Variants in PCDH15 observed in about 807,000 individuals in gnomAD.
PCDH15 encodes the protein protocadherin related 15.
Under a neutral mutation model 178.5 loss-of-function variants are expected in PCDH15, and 129 were observed. That is an observed-to-expected ratio of 0.72 (90% CI 0.63 to 0.84). The LOEUF (loss-of-function observed/expected upper bound fraction) is 0.84. Among genes scored for constraint, PCDH15 ranks in the 40% least tolerant of loss-of-function variants. The pLI is 0.00. For synonymous variants in PCDH15, 800 were observed against 732.0 expected (o/e 1.09, Z -1.50); for missense variants, 2,230 against 2,099.9 (o/e 1.06, Z -1.21).
At chr10:54,295,985 A>C (rs1218106609) in intron 8 of PCDH15, among the ~76,000 whole-genome samples, 1 of 150,726 alleles carries the variant, frequency 6.6e-6, no homozygotes, top group East Asian at 2.0e-4. Context: ...TCTACTAAAA[A>C]ATACAAAAAA....
intron 3 of PCDH15, among the ~76,000 whole-genome samples, chr10:54,484,562 G>T (rs1423234807): frequency 6.6e-6 from 1 of 151,862 alleles, no homozygotes; most frequent in Non-Finnish European, 1.5e-5. Flanking sequence ...AAGACATAGA[G>T]CATAGGAGTG....
chr10:54,955,795 CAATT>C (rs1838470950), intron 2 of PCDH15, among the ~76,000 whole-genome samples: 2 of 151,252 alleles, frequency 1.3e-5, no homozygotes, highest in South Asian at 4.2e-4. Context: ...TGTAGCAGCG[CAATT>C]AATTTATGAC....
At chr10:55,248,523 C>T (rs541769750) in intron 1 of PCDH15, among the ~76,000 whole-genome samples, 5 of 152,124 alleles carry the variant, frequency 3.3e-5, no homozygotes, top group South Asian at 4.2e-4. Context: ...TAAATGGATA[C>T]GCGGATAAGC....
chr10:54,308,740 C>A (rs2060707491), intron 8 of PCDH15, among the ~76,000 whole-genome samples: 1 of 151,986 alleles, frequency 6.6e-6, no homozygotes, highest in South Asian at 2.1e-4. Flanking sequence ...CCCATCAACC[C>A]ATAATCTACA....
chr10:55,181,097 A>C (rs984287767), intron 1 of PCDH15, among the ~76,000 whole-genome samples: 6 of 152,060 alleles, frequency 3.9e-5, no homozygotes, highest in South Asian at 4.1e-4. Context: ...AATGAGGCCT[A>C]AAATATGTGA....
intron 1 of PCDH15, among the ~76,000 whole-genome samples, chr10:54,753,708 T>C (rs554572481): frequency 6.6e-6 from 1 of 152,272 alleles, no homozygotes; most frequent in East Asian, 1.9e-4. Context: ...TATATTGCTC[T>C]ATATACACTA....
intron 2 of PCDH15, among the ~76,000 whole-genome samples, chr10:55,424,272 G>C (rs530535587): frequency 1.3e-5 from 2 of 152,170 alleles, no homozygotes; most frequent in South Asian, 2.1e-4. Context: ...CTTTGTGCTG[G>C]ATTTGAGGCA....
intron 3 of PCDH15, among the ~76,000 whole-genome samples, chr10:54,522,956 A>G (rs2083027271): frequency 6.6e-6 from 1 of 152,184 alleles, no homozygotes. Flanking sequence ...CTCAAAACCA[A>G]CTTAAGAAGC....
intron 2 of PCDH15, among the ~76,000 whole-genome samples, chr10:54,956,220 T>C (rs1838481611): frequency 6.6e-6 from 1 of 151,402 alleles, no homozygotes; most frequent in Non-Finnish European, 1.5e-5. Flanking sequence ...TTGTGTATTA[T>C]ATATAAAATT....
chr10:54,167,241 C>T (rs2046327864), intron 13 of PCDH15, among the ~76,000 whole-genome samples: 1 of 152,142 alleles, frequency 6.6e-6, no homozygotes, highest in Admixed American at 6.5e-5. Flanking sequence ...TCAGACCGAC[C>T]AGCCCAAGGA....
chr10:54,372,557 A>G (rs1335918775), intron 4 of PCDH15, among the ~76,000 whole-genome samples: 1 of 151,952 alleles, frequency 6.6e-6, no homozygotes, highest in Non-Finnish European at 1.5e-5. Context: ...GGTCATACAT[A>G]AAAGTACAGT....
intron 2 of PCDH15, among the ~76,000 whole-genome samples, chr10:55,010,832 T>C (rs1464066038): frequency 6.6e-6 from 1 of 152,148 alleles, no homozygotes; most frequent in Non-Finnish European, 1.5e-5. Context: ...ACAATCCATC[T>C]CATAATATTA....
At chr10:55,011,445 A>G (rs1004572932) in intron 2 of PCDH15, among the ~76,000 whole-genome samples, 1 of 152,076 alleles carries the variant, frequency 6.6e-6, no homozygotes, top group Admixed American at 6.6e-5. Context: ...AGTGCTATGG[A>G]GTCTTTTCTT....
At chr10:55,440,596 C>T (rs1016370965) in intron 2 of PCDH15, among the ~76,000 whole-genome samples, 6 of 152,060 alleles carry the variant, frequency 3.9e-5, no homozygotes, top group African/African-American at 1.4e-4. Context: ...TACACACACA[C>T]CCAAACTAAT....
intron 1 of PCDH15, among the ~76,000 whole-genome samples, chr10:54,734,488 T>A (rs1011576558): frequency 6.6e-6 from 1 of 151,674 alleles, no homozygotes; most frequent in Non-Finnish European, 1.5e-5. Context: ...CTTTGGAAAA[T>A]AGTCTGCCAG....
chr10:55,321,776 AAAG>A (rs1433046473), upstream of PCDH15, among the ~76,000 whole-genome samples: 7 of 152,326 alleles, frequency 4.6e-5, no homozygotes, highest in South Asian at 6.2e-4. Flanking sequence ...AGTGAAGAAG[AAAG>A]AAGATTATTT....
intron 23 of PCDH15, among the ~76,000 whole-genome samples, chr10:53,958,546 C>A (rs2087866740): frequency 6.6e-6 from 1 of 152,068 alleles, no homozygotes; most frequent in South Asian, 2.1e-4. Flanking sequence ...TACCAGAGAG[C>A]TTGCTTTCTC....
chr10:55,164,872 C>T (rs892413779), intron 2 of PCDH15, among the ~76,000 whole-genome samples: 1 of 152,052 alleles, frequency 6.6e-6, no homozygotes, highest in Non-Finnish European at 1.5e-5. Context: ...AGTACTTACC[C>T]TAATCCTTCA....
At chr10:55,105,921 A>T (rs1842663078) in intron 2 of PCDH15, among the ~76,000 whole-genome samples, 1 of 152,224 alleles carries the variant, frequency 6.6e-6, no homozygotes, top group Non-Finnish European at 1.5e-5. Flanking sequence ...ACTACATGGA[A>T]TGAGTAATCC....
Sources: allele counts gnomAD v4.1 joint callset (sites outside exome capture counted in the v4.1 genomes callset), GRCh38; gene constraint gnomAD v4.1.1; transcripts MANE v1.5; gene names NCBI Gene and HGNC (gene_info 2026-07-23, HGNC 2026-07-21).